Variants in GAS6 observed in about 807,000 individuals in gnomAD.
GAS6 encodes the protein growth arrest specific 6.
In GAS6, 41 loss-of-function variants were observed where a neutral mutation model predicts 75.8. The observed-to-expected ratio is 0.54, with a 90% CI of 0.42 to 0.70. The LOEUF (loss-of-function observed/expected upper bound fraction) is 0.70, where lower values mean the gene tolerates loss of function less well. Among genes scored for constraint, GAS6 ranks in the 30% least tolerant of loss-of-function variants. The pLI, the probability that GAS6 is intolerant of heterozygous loss-of-function variation, is 0.00. For synonymous variants in GAS6, 432 were observed against 412.6 expected (o/e 1.05, Z -0.57); for missense variants, 854 against 940.2 (o/e 0.91, Z 1.20).
intron 11 of GAS6, 140 bp downstream of exon 11, chr13:113,828,407 A>G (rs1180963781): frequency 1.3e-6 from 1 of 760,390 alleles, no homozygotes. Context: ...GTCAAACTCT[A>G]GGAAACCTTT....
At chr13:113,832,196 G>T in intron 10 of GAS6, 103 bp downstream of exon 10, 1 of 1,285,472 alleles carries the variant, frequency 7.8e-7, no homozygotes, top group Non-Finnish European at 1.1e-6. Context: ...GCAGATGCAG[G>T]CCCCAGAGCT....
rs1321062233 is a variant in GAS6 at position 113,832,706 on chromosome 13, G to A, written c.881C>T (p.Ser294Phe). ...ACTGAACATCCGGCCCAGGTACAAG[G>A]ACTTCACACTCTTGGCCACGCTGAA... ...VPFSVAKSVKSLYLGRMFSGT... is the reference protein window; with the variant it reads ...VPFSVAKSVKFLYLGRMFSGT... The change falls in exon 9 of 15, where the codon TCC becomes TTC. Residue 294 changes from serine to phenylalanine, a missense_variant. Transcript: ENST00000327773. 1.2e-6 allele frequency: 2 copies of A among 1,612,732 alleles called. No homozygotes were observed. Among genetic ancestry groups the A allele is most frequent in the African/African-American group, 1.3e-5 (1 of 75,054 alleles).
At chr13:113,860,224 C>G (rs2051960602) in intron 2 of GAS6, among the ~76,000 whole-genome samples, 1 of 152,182 alleles carries the variant, frequency 6.6e-6, no homozygotes, top group African/African-American at 2.4e-5. Flanking sequence ...ACATGTCGTG[C>G]AGGTGCGGGT....
intron 2 of GAS6, among the ~76,000 whole-genome samples, chr13:113,854,734 G>A (rs376239668): frequency 1.4e-4 from 22 of 152,362 alleles, no homozygotes; most frequent in African/African-American, 5.0e-4. Flanking sequence ...CTGGCCATTT[G>A]GCAGCATCCT....
chr13:113,832,310 T>A lies in GAS6; in HGVS notation c.1132A>T (p.Met378Leu). 1 of 1,598,768 alleles carries A rather than the reference T, an allele frequency of 6.3e-7. No homozygotes were observed. The highest frequency in any genetic ancestry group is 1.7e-5 in the Admixed American group (1 of 59,982). ...TSSGPVINHGMWQTISVEELA... is the reference protein window; with the variant it reads ...TSSGPVINHGLWQTISVEELA... ...TGCCGCACACTCACTGTCTGCCACA[T>A]GCCATGGTTGATGACCGGGCCGCTG... The change falls in exon 10 of 15, where the codon ATG (methionine) becomes TTG (leucine). Residue 378 changes from methionine (M) to leucine (L), a missense_variant. Physicochemically the swap from Met to Leu is conservative, Grantham distance 15. Coordinates refer to ENST00000327773, the MANE Select transcript of GAS6 (RefSeq NM_000820.4).
chr13:113,830,487 G>A (rs1369085122), intron 10 of GAS6, among the ~76,000 whole-genome samples: 16 of 68,828 alleles, frequency 2.3e-4, no homozygotes, highest in African/African-American at 1.5e-3. Context: ...CCTCCTCCCC[G>A]TGGCTCCATC....
At chr13:113,838,418 C>T (rs1374550963) in intron 5 of GAS6, among the ~76,000 whole-genome samples, 1 of 144,632 alleles carries the variant, frequency 6.9e-6, no homozygotes, top group African/African-American at 2.6e-5. Flanking sequence ...AGGAAGGGAC[C>T]CCGGGGGTGC....
chr13:113,821,444 C>T (rs2051456928), intron 14 of GAS6: 3 of 235,686 alleles, frequency 1.3e-5, no homozygotes, highest in African/African-American at 4.4e-5. Flanking sequence ...CAGCCGAGGA[C>T]TTGCCGGCTC....
At chr13:113,823,864 C>T (rs2051494782) in intron 12 of GAS6, among the ~76,000 whole-genome samples, 1 of 147,746 alleles carries the variant, frequency 6.8e-6, no homozygotes, top group South Asian at 2.1e-4. Flanking sequence ...GCAGGCCTGT[C>T]CCTGCCTCCC....
intron 8 of GAS6, chr13:113,833,236 G>C: frequency 1.8e-5 from 19 of 1,066,518 alleles, no homozygotes; most frequent in Non-Finnish European, 1.9e-5. Context: ...GCTGAGCCAG[G>C]CCTGCCCTGC....
In GAS6 at chr13:113,863,501, C is replaced by T; in HGVS notation, c.255+74G>A. 1.1e-5 allele frequency: 15 copies of T among 1,390,812 alleles called. 1 individual carries two copies. In the South Asian group the frequency reaches 1.6e-4, roughly 15 times the overall value. 86.2% of individuals were successfully genotyped at this position (1,390,812 alleles called of 1,614,324 possible). ...GCGCGGAGCTGGGGGGCGGCAGCAGCGCTGCCTCTCGGGAGCGGTTGGAGG... is the reference window on the plus strand; with the variant it reads ...GCGCGGAGCTGGGGGGCGGCAGCAGTGCTGCCTCTCGGGAGCGGTTGGAGG... On this transcript the variant is annotated intron_variant, in intron 2 of 14. Coordinates refer to ENST00000327773, the MANE Select transcript of GAS6 (RefSeq NM_000820.4). The surrounding 1 kb of genome is among the most constrained non-coding windows in gnomAD (Gnocchi z 9.4).
intron 7 of GAS6, 100 bp downstream of exon 7, chr13:113,835,413 A>AG: frequency 7.2e-7 from 1 of 1,386,364 alleles, no homozygotes; most frequent in African/African-American, 1.4e-5. Context: ...TTCTTTCACC[A>AG]GAAGCACCCG....
In GAS6 at chr13:113,863,401, CG is replaced by C; in HGVS notation, c.255+173del. 6.6e-6 allele frequency among the ~76,000 whole-genome samples: 1 copy of C among 152,258 alleles called. No homozygotes were observed. The highest frequency in any genetic ancestry group is 1.9e-4 in the East Asian group (1 of 5,164). On this transcript the variant is annotated intron_variant, in intron 2 of 14. Coordinates refer to ENST00000327773, the MANE Select transcript of GAS6 (RefSeq NM_000820.4). This position sits in a 1 kb window ranked among gnomAD's most constrained non-coding sequence, Gnocchi z 9.4. ...GTCTCACCGGCCTGCGCGGGGATCC[CG>C]GGGTCGCCGGGGGATGGGCGTGGGG...
chr13:113,858,742 T>A (rs2051938384), intron 2 of GAS6, among the ~76,000 whole-genome samples: 1 of 152,088 alleles, frequency 6.6e-6, no homozygotes, highest in South Asian at 2.1e-4. Flanking sequence ...TATGTGTACA[T>A]GTCTGTTAGT....
Position 113,820,876 on chromosome 13 carries a change from GGGCTCCACGGGGGGGCA to G in GAS6, c.2008_2024del (p.Cys670ArgfsTer34). 3 of 1,610,558 alleles carry G rather than the reference GGGCTCCACGGGGGGGCA, an allele frequency of 1.9e-6. No homozygotes were observed. Among genetic ancestry groups the G allele is most frequent in the Non-Finnish European group, 2.5e-6 (3 of 1,179,650 alleles). ...GTCCCGTGGGGGCCTAGGCTGCGGC[GGGCTCCACGGGGGGGCA>G]GGAGTGGGCCGTGATGTCGCTGTGC... is the stretch of plus-strand genomic sequence containing the variant. On this transcript the variant is annotated frameshift_variant, in exon 15 of 15. Coordinates refer to ENST00000327773, the MANE Select transcript of GAS6 (RefSeq NM_000820.4). LOFTEE classifies it high-confidence loss of function.
Position 113,822,662 on chromosome 13 carries a change from G to A in GAS6, c.1654-476C>T, listed in dbSNP as rs77130149. On this transcript the variant is annotated intron_variant, in intron 13 of 14. Coordinates refer to ENST00000327773, the MANE Select transcript of GAS6 (RefSeq NM_000820.4). ...TGTTTATTCCAGATGCTGAGATTGG[G>A]TCTGGCCCTGGTAACGAGCATTTGC... is the stretch of plus-strand genomic sequence containing the variant. 1.9e-3 allele frequency: 292 copies of A among 156,656 alleles called. 12 individuals carry two copies. In the East Asian group the frequency reaches 0.047, roughly 25 times the overall value. 9.7% of individuals were successfully genotyped at this position (156,656 alleles called of 1,614,324 possible).
chr13:113,856,647 G>A (rs1418499646), intron 2 of GAS6, among the ~76,000 whole-genome samples: 1 of 152,186 alleles, frequency 6.6e-6, no homozygotes, highest in Non-Finnish European at 1.5e-5. Flanking sequence ...TGAAATAAAC[G>A]GAAAGCCAGC....
chr13:113,830,239 G>A (rs2051613045), intron 10 of GAS6, among the ~76,000 whole-genome samples: 3 of 152,200 alleles, frequency 2.0e-5, no homozygotes, highest in Non-Finnish European at 1.5e-5. Context: ...GGTTTGGGCA[G>A]CAGCTAGAGA....
rs1402398805 is a variant in GAS6, at chr13:113,822,058, C to T, written c.1782G>A (p.Arg594=). ...GEATLEVDGT[R]GQSEVSAAQL... ...GCGCGGCGCTCACCTCGCTCTGGCC[C>T]CTGGTGCCGTCCACCTCCAGGGTGG... The change falls in exon 14 of 15, where the codon AGG becomes AGA. Residue 594 remains arginine (R), a synonymous_variant. Coordinates refer to ENST00000327773, the MANE Select transcript of GAS6 (RefSeq NM_000820.4). 6.3e-7 allele frequency: 1 copy of T among 1,587,640 alleles called. No homozygotes were observed.
Sources: gnomAD v4.1 joint callset for allele counts (sites outside exome capture counted in the v4.1 genomes callset) on GRCh38, gnomAD v4.1.1 for gene constraint, Gnocchi (gnomAD v3.1) non-coding constraint, MANE v1.5 for transcripts, NCBI Gene and HGNC (gene_info 2026-07-23, HGNC 2026-07-21) for gene names.